DNAI2: variants seen among roughly 807,000 people sequenced by gnomAD.
The protein encoded by DNAI2 is dynein, axonemal, intermediate polypeptide 2.
A neutral mutation model predicts 74.7 loss-of-function variants in DNAI2; 63 were observed. The ratio of observed to expected loss-of-function variants is 0.84; its 90% CI spans 0.69 to 1.04. DNAI2 has a LOEUF of 1.04. Among genes scored for constraint, DNAI2 ranks in the 50% least tolerant of loss-of-function variants. The pLI is 0.00. For synonymous variants in DNAI2, 289 were observed against 314.9 expected (o/e 0.92, Z 0.87); for missense variants, 688 against 803.2 (o/e 0.86, Z 1.73).
intron 2 of DNAI2, among the ~76,000 whole-genome samples, chr17:74,284,244 G>A (rs895570873): frequency 2.0e-5 from 3 of 151,204 alleles, no homozygotes; most frequent in Non-Finnish European, 2.9e-5. Context: ...AAGGAAAGAA[G>A]GGAAAGTGGC....
chr17:74,281,439 G>A (rs765565303), intron 1 of DNAI2: 6 of 451,906 alleles, frequency 1.3e-5, no homozygotes, highest in Non-Finnish European at 2.3e-5. Context: ...TTGTATTTTT[G>A]CAGAGATGGG....
intron 9 of DNAI2, chr17:74,307,310 G>C (rs11867486): frequency 0.02 from 9,279 of 456,020 alleles, 713 homozygotes; most frequent in African/African-American, 0.17. Context: ...GACCTGTGTC[G>C]TAGAACCTGG....
Position 74,300,596 on chromosome 17 carries a change from C to T in DNAI2, c.865-450C>T, listed in dbSNP as rs934019113. Among the ~76,000 whole-genome samples the T allele has an allele frequency of 6.6e-6, 1 of 152,150 alleles. No individual in the cohort carries two copies. Among genetic ancestry groups the T allele is most frequent in the Non-Finnish European group, 1.5e-5 (1 of 68,034 alleles). On this transcript the variant is annotated intron_variant, in intron 7 of 13. Coordinates refer to ENST00000311014, the MANE Select transcript of DNAI2 (RefSeq NM_023036.6). This position sits in a 1 kb window ranked among gnomAD's most constrained non-coding sequence, Gnocchi z 4.5. ...TATGGATTCTAATATTTTGTTGCTA[C>T]CCCCCAAAAAATACAGCAAAGAGCA...
At position 74,310,088 on chromosome 17, in the gene DNAI2, G is replaced by A. The variant is rs750246993; in HGVS notation, c.1419G>A (p.Leu473=). 8.1e-6 allele frequency: 13 copies of A among 1,613,882 alleles called. No homozygotes were observed. The South Asian group carries it at 1.4e-4, about 18-fold the overall frequency. Residue 473 remains leucine, a synonymous_variant, in exon 11 of 14, where the codon CTG becomes CTA. Transcript: ENST00000311014. ...GTCTCATCGCCTGCGGCTCCCAGCT[G>A]GGGACAACCACCCTGCTGGAGGTCT... ...NGCLIACGSQ[L]GTTTLLEVSP...
intron 4 of DNAI2, among the ~76,000 whole-genome samples, chr17:74,288,205 A>G (rs1004393186): frequency 6.6e-6 from 1 of 152,238 alleles, no homozygotes; most frequent in South Asian, 2.1e-4. Context: ...TACAGTATTC[A>G]GAAAATTACA....
intron 1 of DNAI2, among the ~76,000 whole-genome samples, chr17:74,278,633 C>T (rs572451895): frequency 3.0e-4 from 45 of 151,938 alleles, no homozygotes; most frequent in Non-Finnish European, 5.4e-4. Context: ...CATTGTTGGC[C>T]GGGCATGGTG....
chr17:74,296,357 G>GAGAGAGAGAGAGAGAGAA (rs2052439729), intron 6 of DNAI2, among the ~76,000 whole-genome samples: 33 of 108,868 alleles, frequency 3.0e-4, no homozygotes, highest in Non-Finnish European at 4.2e-4. Context: ...GAGAGAGAGA[G>GAGAGAGAGAGAGAGAGAA]GAAGGGGGAA....
Position 74,311,890 on chromosome 17 carries a change from G to T in DNAI2, c.1495-113G>T, listed in dbSNP as rs2053547755. ...TGGGTACAGACCTCTACAGTACAGGGACTGTATGGAGAGCAAGGAGAGCTC... is the reference window on the plus strand; with the variant it reads ...TGGGTACAGACCTCTACAGTACAGGTACTGTATGGAGAGCAAGGAGAGCTC... On this transcript the variant is annotated intron_variant, in intron 11 of 13. Coordinates refer to ENST00000311014, the MANE Select transcript of DNAI2 (RefSeq NM_023036.6). 3 of 987,650 alleles carry T rather than the reference G, an allele frequency of 3.0e-6. No homozygotes were observed. In the South Asian group the frequency reaches 4.1e-5, roughly 14 times the overall value. The allele number at this position is 987,650 out of a possible 1,614,324, so 61.2% of individuals were successfully genotyped here.
At chr17:74,283,656 G>A (rs947591696) in intron 2 of DNAI2, among the ~76,000 whole-genome samples, 1 of 152,086 alleles carries the variant, frequency 6.6e-6, no homozygotes, top group Admixed American at 6.6e-5. Context: ...AAAAAATAAA[G>A]TGAAAAGAAG....
chr17:74,286,315 TAATA>T (rs2051732946), intron 3 of DNAI2, among the ~76,000 whole-genome samples: 1 of 148,152 alleles, frequency 6.7e-6, no homozygotes, highest in African/African-American at 2.5e-5. Flanking sequence ...ATAATAATAA[TAATA>T]ATAATAATAA....
In DNAI2 at chr17:74,304,541, G is replaced by A. The variant is rs557855595; in HGVS notation, c.988-678G>A. 3.9e-5 allele frequency among the ~76,000 whole-genome samples: 6 copies of A among 152,320 alleles called. No homozygotes were observed. In the East Asian group the frequency reaches 1.2e-3, roughly 29 times the overall value. ...GAGGGGGTCATGCTCAGAGACGCGAGGGGAGCACTGGACCAGGAGTCAGGA... is the reference window on the plus strand; with the variant it reads ...GAGGGGGTCATGCTCAGAGACGCGAAGGGAGCACTGGACCAGGAGTCAGGA... On this transcript the variant is annotated intron_variant, in intron 8 of 13. Coordinates refer to ENST00000311014, the MANE Select transcript of DNAI2 (RefSeq NM_023036.6).
chr17:74,292,415 CTTTT>C lies in DNAI2; in HGVS notation c.724+1298_724+1301del, dbSNP rs56013644. Among the ~76,000 whole-genome samples, 81 of 112,886 alleles carry C rather than the reference CTTTT, an allele frequency of 7.2e-4. 1 individual carries two copies. Among genetic ancestry groups the C allele is most frequent in the Middle Eastern group, 9.8e-3 (2 of 204 alleles). 74.1% of individuals were successfully genotyped at this position (112,886 alleles called of 152,430 possible). On this transcript the variant is annotated intron_variant, in intron 6 of 13. Coordinates refer to ENST00000311014, the MANE Select transcript of DNAI2 (RefSeq NM_023036.6). Reference sequence around the variant, plus strand: ...ATTCCCTTATAATCATTTTCTTTTTCTTTTTTTTTTTTTTTTTTTGAGACAGAGT... The same window carrying C: ...ATTCCCTTATAATCATTTTCTTTTTCTTTTTTTTTTTTTTTGAGACAGAGT...
intron 9 of DNAI2, among the ~76,000 whole-genome samples, chr17:74,308,098 C>T (rs776404021): frequency 6.6e-6 from 1 of 152,242 alleles, no homozygotes; most frequent in East Asian, 1.9e-4. Context: ...GCGCCCGGCC[C>T]AGATCCTTTC....
intron 10 of DNAI2, 26 bp from the exon 11 acceptor site, chr17:74,309,991 C>T (rs1350554380): frequency 2.5e-6 from 4 of 1,613,480 alleles, no homozygotes; most frequent in African/African-American, 2.7e-5. Flanking sequence ...TCTCCTCTAC[C>T]TGGGTCTGCC....
At chr17:74,284,580 T>C (rs553563090) in intron 2 of DNAI2, among the ~76,000 whole-genome samples, 1 of 151,858 alleles carries the variant, frequency 6.6e-6, no homozygotes, top group African/African-American at 2.4e-5. Flanking sequence ...GCCCGGCTAA[T>C]GTTTTGTATT....
intron 8 of DNAI2, among the ~76,000 whole-genome samples, chr17:74,302,295 C>T (rs980534567): frequency 2.0e-5 from 3 of 151,040 alleles, no homozygotes; most frequent in Admixed American, 1.3e-4. Flanking sequence ...GGGCCAGGCA[C>T]GGTGGCTCAC....
At chr17:74,296,346 G>GGAGAGAGAGAGAGAGAGAGAGAGA (rs1555611113) in intron 6 of DNAI2, among the ~76,000 whole-genome samples, 2 of 83,216 alleles carry the variant, frequency 2.4e-5, no homozygotes, top group Non-Finnish European at 3.1e-5. Context: ...GAGAGAGAGA[G>GGAGAGAGAGAGAGAGAGAGAGAGA]GAGAGAGAGA....
intron 4 of DNAI2, 57 bp downstream of exon 4, chr17:74,287,155 G>A (rs929990316): frequency 1.7e-5 from 28 of 1,601,956 alleles, no homozygotes; most frequent in Admixed American, 1.5e-4. Flanking sequence ...ATGCATGGGC[G>A]CCTCCAAAGG....
intron 11 of DNAI2, among the ~76,000 whole-genome samples, chr17:74,311,335 C>T (rs1334943979): frequency 4.0e-5 from 6 of 150,836 alleles, no homozygotes; most frequent in Admixed American, 2.0e-4. Flanking sequence ...GTGCTAGGGC[C>T]GGGTGTGGTG....
Sources: allele counts gnomAD v4.1 joint callset (sites outside exome capture counted in the v4.1 genomes callset), GRCh38; gene constraint gnomAD v4.1.1; non-coding constraint Gnocchi (gnomAD v3.1); transcripts MANE v1.5; gene names NCBI Gene and HGNC (gene_info 2026-07-23, HGNC 2026-07-21).